The following HIPK3 variants were observed in gnomAD, a reference collection of about 807,000 sequenced individuals.
HIPK3 encodes homeodomain interacting protein kinase 3.
A neutral mutation model predicts 124.2 loss-of-function variants in HIPK3; 47 were observed. That is an observed-to-expected ratio of 0.38 (90% CI 0.30 to 0.48). The LOEUF (loss-of-function observed/expected upper bound fraction) is 0.48, where lower values mean the gene tolerates loss of function less well. Ranked by LOEUF, HIPK3 falls within the 20% of genes least tolerant of loss-of-function variation. The probability of loss-of-function intolerance (pLI) is 0.98; values close to 1 mark genes in which losing one functional copy is unlikely to be tolerated. For missense variants in HIPK3, 1,286 were observed against 1,454.3 expected (o/e 0.88, Z 1.88); for synonymous variants, 482 against 515.2 (o/e 0.94, Z 0.87).
chr11:33,260,760 C>A (rs549286331), intron 1 of HIPK3, among the ~76,000 whole-genome samples: 1 of 152,196 alleles, frequency 6.6e-6, no homozygotes, highest in South Asian at 2.1e-4. Flanking sequence ...TTTAAATATC[C>A]TTCCAGAAGT....
chr11:33,309,487 C>T (rs899534384), intron 2 of HIPK3, among the ~76,000 whole-genome samples: 1 of 152,188 alleles, frequency 6.6e-6, no homozygotes, highest in Non-Finnish European at 1.5e-5. Context: ...TATGAAAGTC[C>T]CAAAGTTAAA....
intron 3 of HIPK3, chr11:33,335,795 C>G (rs1339759515): frequency 1.3e-5 from 2 of 151,966 alleles, no homozygotes; most frequent in Non-Finnish European, 2.9e-5. Flanking sequence ...CACTTATTCT[C>G]AAATACAGGT....
At chr11:33,324,365 C>G (rs953783492) in intron 2 of HIPK3, among the ~76,000 whole-genome samples, 8 of 152,154 alleles carry the variant, frequency 5.3e-5, no homozygotes, top group African/African-American at 1.9e-4. Context: ...GTATGATATA[C>G]ATAGAAAATG....
At chr11:33,326,313 A>G (rs1300163658) in intron 2 of HIPK3, among the ~76,000 whole-genome samples, 2 of 152,138 alleles carry the variant, frequency 1.3e-5, no homozygotes, top group Non-Finnish European at 2.9e-5. Flanking sequence ...GGACCAAATA[A>G]TTGTAATGTG....
At chr11:33,289,618 A>G (rs1351050014) in intron 2 of HIPK3, among the ~76,000 whole-genome samples, 1 of 152,182 alleles carries the variant, frequency 6.6e-6, no homozygotes, top group East Asian at 1.9e-4. Context: ...ATCAGGGTAA[A>G]TGGACTATCC....
At chr11:33,280,708 GA>G (rs1174659490) in intron 1 of HIPK3, among the ~76,000 whole-genome samples, 1 of 152,186 alleles carries the variant, frequency 6.6e-6, no homozygotes, top group Non-Finnish European at 1.5e-5. Flanking sequence ...TGTTGGGAAA[GA>G]AAAGCTAGGA....
In HIPK3 at chr11:33,292,323, C is replaced by G. The variant is rs368173643; in HGVS notation, c.1097+4812C>G. On this transcript the variant is annotated intron_variant, in intron 2 of 16. Transcript: ENST00000303296. ...GGTACAGTGCTAGGTGCTAAGAATA[C>G]AAAGGTGATTTATGTATGTTCATTA... 2.2e-4 allele frequency among the ~76,000 whole-genome samples: 34 copies of G among 152,172 alleles called. 1 individual carries two copies. In the South Asian group the frequency reaches 3.1e-3, roughly 14 times the overall value.
intron 1 of HIPK3, among the ~76,000 whole-genome samples, chr11:33,263,317 A>G (rs1297831193): frequency 6.6e-6 from 1 of 152,026 alleles, no homozygotes. Context: ...ATCTGCTTTA[A>G]TTAATTAATT....
intron 2 of HIPK3, among the ~76,000 whole-genome samples, chr11:33,313,457 A>AG (rs1380941682): frequency 6.6e-6 from 1 of 152,204 alleles, no homozygotes; most frequent in Non-Finnish European, 1.5e-5. Context: ...TTAGAAGTAA[A>AG]GGGGTACAGT....
chr11:33,345,618 A>ATT (rs11422208), intron 8 of HIPK3, among the ~76,000 whole-genome samples: 98 of 150,546 alleles, frequency 6.5e-4, no homozygotes, highest in African/African-American at 1.5e-3. Flanking sequence ...AAGTGAAGAG[A>ATT]TTTTTTTTTT....
chr11:33,266,606 CT>C (rs1850971755), intron 1 of HIPK3, among the ~76,000 whole-genome samples: 1 of 152,050 alleles, frequency 6.6e-6, no homozygotes, highest in South Asian at 2.1e-4. Context: ...ATTGGAGAGG[CT>C]GAGGTGGGAG....
At chr11:33,304,539 A>G (rs898863678) in intron 2 of HIPK3, among the ~76,000 whole-genome samples, 9 of 151,948 alleles carry the variant, frequency 5.9e-5, no homozygotes, top group Non-Finnish European at 1.0e-4. Context: ...CCTGGGCAAC[A>G]GGAGCAAAAC....
At chr11:33,258,200 CCT>C in intron 1 of HIPK3, 53 of 204,860 alleles carry the variant, frequency 2.6e-4, no homozygotes, top group Non-Finnish European at 4.3e-4. Flanking sequence ...GGCCCGGGGG[CCT>C]CGGCCCCCCC....
At chr11:33,269,243 G>A (rs995173889) in intron 1 of HIPK3, among the ~76,000 whole-genome samples, 1 of 152,086 alleles carries the variant, frequency 6.6e-6, no homozygotes, top group African/African-American at 2.4e-5. Context: ...TAACAGATGA[G>A]TCGCTTTCCT....
At chr11:33,277,362 C>T (rs1851300058) in intron 1 of HIPK3, among the ~76,000 whole-genome samples, 1 of 152,152 alleles carries the variant, frequency 6.6e-6, no homozygotes, top group Non-Finnish European at 1.5e-5. Flanking sequence ...TATGTAATTT[C>T]AGTTAATTCA....
chr11:33,298,588 A>T (rs189914012), intron 2 of HIPK3, among the ~76,000 whole-genome samples: 1 of 152,266 alleles, frequency 6.6e-6, no homozygotes, highest in Non-Finnish European at 1.5e-5. Context: ...GAAAGGATTT[A>T]TTGTTGTAGA....
At chr11:33,271,938 T>G (rs1851135766) in intron 1 of HIPK3, among the ~76,000 whole-genome samples, 1 of 152,248 alleles carries the variant, frequency 6.6e-6, no homozygotes, top group Non-Finnish European at 1.5e-5. Flanking sequence ...TCTGTTTTTC[T>G]ATGACACTTT....
intron 1 of HIPK3, among the ~76,000 whole-genome samples, chr11:33,263,403 C>T (rs972320244): frequency 2.6e-5 from 4 of 152,168 alleles, no homozygotes; most frequent in Non-Finnish European, 5.9e-5. Flanking sequence ...ACAACCTCCG[C>T]CTCCGGGGTT....
At chr11:33,258,867 C>T (rs1041404005) in intron 1 of HIPK3, among the ~76,000 whole-genome samples, 2 of 152,120 alleles carry the variant, frequency 1.3e-5, no homozygotes, top group Admixed American at 6.5e-5. Flanking sequence ...GTTTTTCCAC[C>T]TGTCAGTTGG....
Sources: allele counts gnomAD v4.1 joint callset (sites outside exome capture counted in the v4.1 genomes callset), GRCh38; gene constraint gnomAD v4.1.1; transcripts MANE v1.5; gene names NCBI Gene and HGNC (gene_info 2026-07-23, HGNC 2026-07-21).